The following DNAH12 variants were observed in gnomAD, a reference collection of about 807,000 sequenced individuals.
The protein encoded by DNAH12 is dynein axonemal heavy chain 12, also known as axonemal beta dynein heavy chain 12.
A neutral mutation model predicts 371.5 loss-of-function variants in DNAH12; 285 were observed. The observed-to-expected ratio is 0.77, with a 90% confidence interval of 0.70 to 0.85. The LOEUF is 0.85. Among genes scored for constraint, DNAH12 ranks in the 40% least tolerant of loss-of-function variants. DNAH12 has a pLI of 0.00. For missense variants in DNAH12, 3,611 were observed against 3,689.4 expected, an observed-to-expected ratio of 0.98 and a Z score of 0.55; for synonymous variants, 1,200 against 1,213.0, an observed-to-expected ratio of 0.99 and a Z score of 0.22.
chr3:57,389,374 G>A (rs902918623), intron 45 of DNAH12, among the ~76,000 whole-genome samples: 1 of 152,064 alleles, frequency 6.6e-6, no homozygotes. Flanking sequence ...CAGTCTTACT[G>A]TATCTTCAAA....
Position 57,459,609 on chromosome 3 carries a change from A to C in DNAH12, c.2914T>G (p.Cys972Gly). 1.3e-6 allele frequency: 2 copies of C among 1,501,764 alleles called. No individual in the cohort carries two copies. The highest frequency in any genetic ancestry group is 1.8e-6 in the Non-Finnish European group (2 of 1,114,458). 93.0% of individuals were successfully genotyped at this position (1,501,764 alleles called of 1,614,324 possible). ...CACTTCACCTTTGGATCTTTAGCAC[A>C]AAACTTCATGATATCTCTCCAGTGT... The part of the protein sequence containing the change: ...DRHWRDIMKF[C>G]AKDPKVLAAT... Residue 972 changes from cysteine to glycine, a missense_variant, in exon 20 of 74, where the codon TGT becomes GGT. By Grantham distance (159) the Cys-to-Gly change is radical. Transcript: ENST00000495027.
At chr3:57,499,104 T>C (rs1449496387) in intron 11 of DNAH12, among the ~76,000 whole-genome samples, 1 of 152,008 alleles carries the variant, frequency 6.6e-6, no homozygotes, top group Non-Finnish European at 1.5e-5. Context: ...GTAAAAGAAA[T>C]CAGATGCAAA....
intron 4 of DNAH12, among the ~76,000 whole-genome samples, chr3:57,514,965 A>G (rs2068137765): frequency 6.6e-6 from 1 of 152,202 alleles, no homozygotes; most frequent in Non-Finnish European, 1.5e-5. Context: ...TTATTTATGT[A>G]TACTCTAGGA....
At chr3:57,350,332 GATTA>G (rs1338832925) in intron 60 of DNAH12, among the ~76,000 whole-genome samples, 8 of 152,092 alleles carry the variant, frequency 5.3e-5, no homozygotes, top group African/African-American at 1.2e-4. Flanking sequence ...CAGAAATCAA[GATTA>G]ATTACACACA....
chr3:57,524,417 A>ATT (rs982071706), intron 2 of DNAH12, among the ~76,000 whole-genome samples: 1 of 151,998 alleles, frequency 6.6e-6, no homozygotes, highest in African/African-American at 2.4e-5. Flanking sequence ...CTGTTAAGAG[A>ATT]TTTTTTTTGC....
At chr3:57,502,169 G>C (rs1407341303) in intron 10 of DNAH12, among the ~76,000 whole-genome samples, 154 bp downstream of exon 10, 2 of 152,006 alleles carry the variant, frequency 1.3e-5, no homozygotes, top group African/African-American at 4.8e-5. Context: ...GGCCTCCCTG[G>C]GTTGGATTCT....
At chr3:57,524,297 C>A (rs558460277) in intron 2 of DNAH12, among the ~76,000 whole-genome samples, 1 of 152,138 alleles carries the variant, frequency 6.6e-6, no homozygotes, top group Non-Finnish European at 1.5e-5. Flanking sequence ...CACTTACCAT[C>A]GTTTGATATA....
At chr3:57,514,418 TA>T (rs1320046935) in intron 4 of DNAH12, among the ~76,000 whole-genome samples, 1 of 147,082 alleles carries the variant, frequency 6.8e-6, no homozygotes, top group Non-Finnish European at 1.5e-5. Context: ...GAAAAATAAA[TA>T]AACAAAAAAA....
chr3:57,302,878 G>A (rs1575421382), intron 69 of DNAH12, among the ~76,000 whole-genome samples: 1 of 150,862 alleles, frequency 6.6e-6, no homozygotes, highest in Non-Finnish European at 1.5e-5. Flanking sequence ...GCCTGGCCAG[G>A]TAGCAGAAAA....
At position 57,314,515 on chromosome 3, in the gene DNAH12, G is replaced by C; in HGVS notation, c.10641C>G (p.Arg3547=). The change falls in exon 66 of 74, where the codon CGC becomes CGG. Residue 3547 remains arginine, a synonymous_variant. Coordinates refer to ENST00000495027, the MANE Select transcript of DNAH12 (RefSeq NM_001366028.2). The part of the protein sequence containing the change: ...IPYGFNESDL[R]ISIRQLQLFI... ...TTACCTGCAGTTGTCGGATACTGAT[G>C]CGCAAGTCAGATTCATTAAATCCAT... 1 of 1,550,850 alleles carries C rather than the reference G, an allele frequency of 6.4e-7. No individual in the cohort carries two copies. Among genetic ancestry groups the C allele is most frequent in the Non-Finnish European group, 8.7e-7 (1 of 1,146,796 alleles).
intron 4 of DNAH12, among the ~76,000 whole-genome samples, chr3:57,515,006 T>C (rs1301370181): frequency 1.3e-5 from 2 of 152,122 alleles, no homozygotes; most frequent in East Asian, 3.8e-4. Flanking sequence ...TTGTGGCTAA[T>C]GGATGAAAGC....
chr3:57,403,282 A>G (rs1262249730), intron 43 of DNAH12, 27 bp downstream of exon 43: 1 of 1,522,024 alleles, frequency 6.6e-7, no homozygotes, highest in African/African-American at 1.4e-5. Flanking sequence ...TTTTCATTTT[A>G]GATACTAGGC....
chr3:57,403,431 C>T lies in DNAH12; in HGVS notation c.6826G>A (p.Gly2276Ser), dbSNP rs1553679789. The T allele has an allele frequency of 1.3e-6, 2 of 1,551,362 alleles. No individual in the cohort carries two copies. Among genetic ancestry groups the T allele is most frequent in the Middle Eastern group, 3.3e-4 (2 of 5,990 alleles). Residue 2276 changes from glycine to serine, a missense_variant, in exon 43 of 74, where the codon GGT becomes AGT. Gly to Ser is a moderately conservative substitution (Grantham distance 56). Transcript: ENST00000495027. ...GATTGACGACCACTTCCTCCAAGAC[C>T]AACAAGCAAAGCATTTCCACCAGAT... is the stretch of plus-strand genomic sequence containing the variant. ...KQSGGNALLV[G>S]LGGSGRQSLT...
rs545378798 is a variant in DNAH12, at chr3:57,486,389, G to A, written c.1515-2878C>T. ...GGTTGAAATCAGCCTACGCAACATG[G>A]CAAAACCATGTCTCTATTAAATTTT... is the stretch of plus-strand genomic sequence containing the variant. On this transcript the variant is annotated intron_variant, in intron 12 of 73. Coordinates refer to ENST00000495027, the MANE Select transcript of DNAH12 (RefSeq NM_001366028.2). 8.8e-4 allele frequency among the ~76,000 whole-genome samples: 133 copies of A among 151,324 alleles called. 4 individuals carry two copies. In the South Asian group the frequency reaches 0.026, roughly 30 times the overall value.
At chr3:57,363,008 C>T (rs2153330010) in intron 58 of DNAH12, among the ~76,000 whole-genome samples, 1 of 152,252 alleles carries the variant, frequency 6.6e-6, no homozygotes, top group South Asian at 2.1e-4. Context: ...TTAGGTCTAA[C>T]ATTTAAGTCT....
At chr3:57,434,435 C>G (rs1014304176) in intron 30 of DNAH12, among the ~76,000 whole-genome samples, 3 of 152,130 alleles carry the variant, frequency 2.0e-5, no homozygotes, top group Admixed American at 6.6e-5. Context: ...TCATGACGAG[C>G]AGGGCTGCCC....
intron 4 of DNAH12, among the ~76,000 whole-genome samples, chr3:57,517,696 T>C (rs2068248400): frequency 1.3e-5 from 2 of 152,212 alleles, no homozygotes. Context: ...TTAAAGTATA[T>C]AATCTTCCTT....
chr3:57,471,696 C>A, intron 14 of DNAH12, 90 bp from the exon 15 acceptor site: 1 of 1,164,368 alleles, frequency 8.6e-7, no homozygotes, highest in Non-Finnish European at 1.1e-6. Context: ...ATAATAAAAA[C>A]CATCAGAGAA....
chr3:57,358,643 G>A (rs2062852679), intron 58 of DNAH12, among the ~76,000 whole-genome samples: 2 of 152,026 alleles, frequency 1.3e-5, no homozygotes, highest in African/African-American at 2.4e-5. Flanking sequence ...CAAAGTTATC[G>A]ACAATGGGAA....
Sources: gnomAD v4.1 joint callset for allele counts (sites outside exome capture counted in the v4.1 genomes callset) on GRCh38, gnomAD v4.1.1 for gene constraint, MANE v1.5 for transcripts, NCBI Gene and HGNC (gene_info 2026-07-23, HGNC 2026-07-21) for gene names.